The following PRKAR2A variants were observed in gnomAD, a reference collection of about 807,000 sequenced individuals.
The protein encoded by PRKAR2A is protein kinase cAMP-dependent type II regulatory subunit alpha.
PRKAR2A carries 29 observed loss-of-function variants against 51.9 expected under a neutral mutation model. That is an observed-to-expected ratio of 0.56 (90% CI 0.42 to 0.76). PRKAR2A has a LOEUF of 0.76. PRKAR2A is among the 30% of genes least tolerant of loss of function. PRKAR2A has a pLI of 0.00. For synonymous variants in PRKAR2A, 178 were observed against 186.2 expected (o/e 0.96, Z 0.36); for missense variants, 445 against 512.1 (o/e 0.87, Z 1.26).
intron 9 of PRKAR2A, among the ~76,000 whole-genome samples, chr3:48,754,276 T>C (rs1301231400): frequency 6.6e-6 from 1 of 151,086 alleles, no homozygotes; most frequent in Non-Finnish European, 1.5e-5. Context: ...TGGCTCTTGT[T>C]GCCCAGGCTG....
chr3:48,775,937 G>A (rs997739127), intron 5 of PRKAR2A, among the ~76,000 whole-genome samples: 2 of 151,908 alleles, frequency 1.3e-5, no homozygotes, highest in Non-Finnish European at 2.9e-5. Flanking sequence ...GTGAAACCCC[G>A]TCTCTCCTAA....
chr3:48,813,181 G>A (rs1483986685), intron 1 of PRKAR2A, among the ~76,000 whole-genome samples: 1 of 145,054 alleles, frequency 6.9e-6, no homozygotes. Context: ...GGACTGCTGA[G>A]ACCAAGGGTT....
At chr3:48,784,791 CAAAT>C (rs2082260528) in intron 4 of PRKAR2A, among the ~76,000 whole-genome samples, 1 of 152,016 alleles carries the variant, frequency 6.6e-6, no homozygotes, top group Admixed American at 6.6e-5. Context: ...AGAAGGTCCT[CAAAT>C]AACACAGTTA....
At chr3:48,760,179 C>G (rs957263387) in intron 8 of PRKAR2A, among the ~76,000 whole-genome samples, 1 of 152,040 alleles carries the variant, frequency 6.6e-6, no homozygotes, top group African/African-American at 2.4e-5. Context: ...CAGGCAAAAA[C>G]CCTGTTCTCT....
At chr3:48,772,672 G>C (rs917775639) in intron 6 of PRKAR2A, among the ~76,000 whole-genome samples, 1 of 151,570 alleles carries the variant, frequency 6.6e-6, no homozygotes, top group African/African-American at 2.4e-5. Flanking sequence ...ACGGAGTCTC[G>C]CTGTGTCGCC....
chr3:48,776,269 T>A (rs2082103641), intron 5 of PRKAR2A, among the ~76,000 whole-genome samples: 1 of 152,122 alleles, frequency 6.6e-6, no homozygotes, highest in African/African-American at 2.4e-5. Flanking sequence ...GCAAGGTAAT[T>A]AAAGCTTATA....
intron 1 of PRKAR2A, among the ~76,000 whole-genome samples, chr3:48,831,063 T>C (rs2083179631): frequency 1.3e-5 from 2 of 152,164 alleles, no homozygotes; most frequent in Non-Finnish European, 2.9e-5. Context: ...AGACCAATAC[T>C]GGTCCATGGC....
intron 1 of PRKAR2A, among the ~76,000 whole-genome samples, chr3:48,828,551 T>A (rs1230186108): frequency 6.6e-6 from 1 of 151,430 alleles, no homozygotes; most frequent in Non-Finnish European, 1.5e-5. Context: ...AGACTCCGCC[T>A]CTACAAAAAA....
At chr3:48,765,191 T>C (rs1454822224) in intron 7 of PRKAR2A, 57 bp downstream of exon 7, 64 of 1,552,072 alleles carry the variant, frequency 4.1e-5, no homozygotes, top group Non-Finnish European at 5.4e-5. Context: ...AACAACAGAA[T>C]AGTTTTAAAA....
chr3:48,808,032 CTTTTT>C (rs1171188854), intron 1 of PRKAR2A, among the ~76,000 whole-genome samples: 1 of 145,150 alleles, frequency 6.9e-6, no homozygotes, highest in Admixed American at 6.9e-5. Context: ...GTGAAATTTT[CTTTTT>C]TTCTTTCTTT....
chr3:48,804,056 G>C (rs1038438124), intron 2 of PRKAR2A, among the ~76,000 whole-genome samples: 1 of 152,188 alleles, frequency 6.6e-6, no homozygotes, highest in African/African-American at 2.4e-5. Context: ...CTGAAAGTAA[G>C]ATCAGTCAAT....
chr3:48,794,478 T>C (rs1179235731), intron 2 of PRKAR2A, among the ~76,000 whole-genome samples: 6 of 151,972 alleles, frequency 3.9e-5, no homozygotes, highest in African/African-American at 1.4e-4. Context: ...AGATGGATCA[T>C]GAGGTCAAGA....
intron 1 of PRKAR2A, among the ~76,000 whole-genome samples, chr3:48,815,194 G>A (rs112516976): frequency 9.9e-5 from 15 of 152,000 alleles, no homozygotes; most frequent in East Asian, 1.9e-4. Flanking sequence ...AATTACACGC[G>A]TTAGCCACTG....
chr3:48,757,238 T>C (rs551901284), intron 8 of PRKAR2A, among the ~76,000 whole-genome samples: 1 of 152,198 alleles, frequency 6.6e-6, no homozygotes, highest in Non-Finnish European at 1.5e-5. Flanking sequence ...TGGTGAAGGA[T>C]AGTGCTTGAG....
chr3:48,785,324 G>A (rs925512394), intron 4 of PRKAR2A, among the ~76,000 whole-genome samples: 4 of 149,072 alleles, frequency 2.7e-5, no homozygotes, highest in African/African-American at 9.9e-5. Context: ...GCAGTTGCAC[G>A]ATCTCGGCTC....
At chr3:48,753,760 T>C (rs2081703806) in intron 9 of PRKAR2A, among the ~76,000 whole-genome samples, 1 of 152,202 alleles carries the variant, frequency 6.6e-6, no homozygotes, top group South Asian at 2.1e-4. Flanking sequence ...AATATCCCAG[T>C]GCCATGCTGC....
chr3:48,818,469 A>C (rs112021504), intron 1 of PRKAR2A, among the ~76,000 whole-genome samples: 1 of 152,308 alleles, frequency 6.6e-6, no homozygotes, highest in African/African-American at 2.4e-5. Flanking sequence ...TCAGAACTTA[A>C]ACCTGGCCAG....
At chr3:48,790,484 A>C in intron 4 of PRKAR2A, 60 bp downstream of exon 4, 1 of 1,269,404 alleles carries the variant, frequency 7.9e-7, no homozygotes, top group Non-Finnish European at 1.1e-6. Context: ...AGTTTAAGTG[A>C]CAAATAGGAG....
chr3:48,817,612 G>C (rs567235325), intron 1 of PRKAR2A, among the ~76,000 whole-genome samples: 1 of 150,578 alleles, frequency 6.6e-6, no homozygotes, highest in Admixed American at 6.6e-5. Context: ...GCACCATTGC[G>C]CTCCAGCCTG....
Sources: gnomAD v4.1 joint callset for allele counts (sites outside exome capture counted in the v4.1 genomes callset) on GRCh38, gnomAD v4.1.1 for gene constraint, MANE v1.5 for transcripts, NCBI Gene and HGNC (gene_info 2026-07-23, HGNC 2026-07-21) for gene names.